The following GREM2 variants were observed in gnomAD, a reference collection of about 807,000 sequenced individuals.
The protein encoded by GREM2 is gremlin 2, DAN family BMP antagonist.
In GREM2, 11 loss-of-function variants were observed where a neutral mutation model predicts 14.2. The ratio of observed to expected loss-of-function variants is 0.78; its 90% CI spans 0.49 to 1.28. GREM2 has a LOEUF of 1.28. Among genes scored for constraint, GREM2 ranks in the 50% most tolerant of loss-of-function variants. The pLI is 0.00. For synonymous variants in GREM2, 98 were observed against 97.6 expected, an observed-to-expected ratio of 1.00 and a Z score of -0.02; for missense variants, 210 against 218.5, an observed-to-expected ratio of 0.96 and a Z score of 0.24.
At chr1:240,562,972 G>A (rs927997714) in intron 1 of GREM2, among the ~76,000 whole-genome samples, 3 of 147,796 alleles carry the variant, frequency 2.0e-5, no homozygotes, top group Admixed American at 1.3e-4. Context: ...GTGTGTGTAT[G>A]TGTGTATATG....
intron 1 of GREM2, among the ~76,000 whole-genome samples, chr1:240,583,905 A>T (rs897494286): frequency 6.6e-6 from 1 of 151,866 alleles, no homozygotes; most frequent in Non-Finnish European, 1.5e-5. Context: ...CCCAGCCTTC[A>T]TCTCTATTTT....
intron 1 of GREM2, among the ~76,000 whole-genome samples, chr1:240,594,306 G>A (rs1679772323): frequency 6.6e-6 from 1 of 152,162 alleles, no homozygotes; most frequent in Non-Finnish European, 1.5e-5. Context: ...CATAAATTAA[G>A]TTCCTCACTA....
At chr1:240,527,901 C>T (rs1248409058) in intron 1 of GREM2, among the ~76,000 whole-genome samples, 9 of 152,032 alleles carry the variant, frequency 5.9e-5, no homozygotes, top group Admixed American at 5.9e-4. Flanking sequence ...AATGTAATGG[C>T]CTCATGGTTG....
chr1:240,589,437 G>A (rs6686478), intron 1 of GREM2, among the ~76,000 whole-genome samples: 41,744 of 129,782 alleles, frequency 0.32, 7,968 homozygotes, highest in African/African-American at 0.61. Flanking sequence ...CTCCATCTCA[G>A]AAAAAAAGAA....
At chr1:240,564,036 C>A (rs901300161) in intron 1 of GREM2, among the ~76,000 whole-genome samples, 1 of 151,992 alleles carries the variant, frequency 6.6e-6, no homozygotes, top group Non-Finnish European at 1.5e-5. Context: ...ATAGTGAGAC[C>A]CTACCTCTAC....
chr1:240,512,085 C>T (rs958167187), intron 1 of GREM2, among the ~76,000 whole-genome samples: 1 of 152,082 alleles, frequency 6.6e-6, no homozygotes, highest in East Asian at 1.9e-4. Context: ...TTTGCTTGGG[C>T]AAATGGTTTT....
chr1:240,505,658 A>C (rs1461615867), intron 1 of GREM2, among the ~76,000 whole-genome samples: 1 of 152,066 alleles, frequency 6.6e-6, no homozygotes, highest in Non-Finnish European at 1.5e-5. Context: ...AGCCAAAAAA[A>C]TTAATCCCCA....
intron 1 of GREM2, among the ~76,000 whole-genome samples, chr1:240,510,345 G>A (rs1403134329): frequency 6.9e-5 from 9 of 130,088 alleles, no homozygotes; most frequent in African/African-American, 2.8e-4. Flanking sequence ...ACTCCAGCCT[G>A]GGCGACAGAG....
At chr1:240,502,062 C>T (rs756433450) in intron 1 of GREM2, among the ~76,000 whole-genome samples, 9 of 152,096 alleles carry the variant, frequency 5.9e-5, no homozygotes, top group Non-Finnish European at 8.8e-5. Context: ...ACCCCCTCTT[C>T]GACCTTCCTA....
intron 1 of GREM2, among the ~76,000 whole-genome samples, chr1:240,550,753 A>G (rs1353848820): frequency 2.0e-5 from 3 of 152,196 alleles, no homozygotes; most frequent in Non-Finnish European, 4.4e-5. Context: ...AGATGTAAAT[A>G]TTTTTGTTAC....
In GREM2 at chr1:240,543,243, T is replaced by C. The variant is rs1431374862; in HGVS notation, c.-1-49767A>G. 6.6e-6 allele frequency among the ~76,000 whole-genome samples: 1 copy of C among 152,240 alleles called. No individual in the cohort carries two copies. Among genetic ancestry groups the C allele is most frequent in the Admixed American group, 6.5e-5 (1 of 15,282 alleles). Reference sequence around the variant, plus strand: ...AGAGAAAATGCACTGTAAAATGTGTTAGGTAATCTATTAGTCTGTCGTCAT... The same window carrying C: ...AGAGAAAATGCACTGTAAAATGTGTCAGGTAATCTATTAGTCTGTCGTCAT... On this transcript the variant is annotated intron_variant, in intron 1 of 1. Transcript: ENST00000318160. The surrounding 1 kb of genome is among the most constrained non-coding windows in gnomAD (Gnocchi z 6.4).
chr1:240,508,642 A>AT (rs1677733064), intron 1 of GREM2, among the ~76,000 whole-genome samples: 1 of 152,346 alleles, frequency 6.6e-6, no homozygotes, highest in Admixed American at 6.5e-5. Context: ...TTTTTAATAC[A>AT]TTGTTTCCAA....
chr1:240,545,639 T>A (rs1044788286), intron 1 of GREM2, among the ~76,000 whole-genome samples: 49 of 152,196 alleles, frequency 3.2e-4, no homozygotes, highest in African/African-American at 1.2e-3. Flanking sequence ...CTATGGGATC[T>A]GATGCTATCT....
chr1:240,528,436 T>C (rs1678273591), intron 1 of GREM2, among the ~76,000 whole-genome samples: 1 of 152,172 alleles, frequency 6.6e-6, no homozygotes, highest in Admixed American at 6.5e-5. Context: ...AGCCAGTCAC[T>C]CATTATTCAC....
chr1:240,515,623 C>A (rs1677936140), intron 1 of GREM2, among the ~76,000 whole-genome samples: 1 of 152,060 alleles, frequency 6.6e-6, no homozygotes, highest in Admixed American at 6.6e-5. Context: ...AATACTTAAC[C>A]CAAGTACTAG....
intron 1 of GREM2, among the ~76,000 whole-genome samples, chr1:240,512,101 A>G (rs1183593841): frequency 1.3e-5 from 2 of 152,246 alleles, no homozygotes; most frequent in African/African-American, 4.8e-5. Context: ...GTTTTTAAGC[A>G]TAATAGATTT....
chr1:240,532,626 A>T (rs557195667), intron 1 of GREM2, among the ~76,000 whole-genome samples: 1 of 149,540 alleles, frequency 6.7e-6, no homozygotes, highest in African/African-American at 2.5e-5. Context: ...TAACCACTTT[A>T]TATAAGAGAT....
chr1:240,572,791 T>C (rs1041496804), intron 1 of GREM2, among the ~76,000 whole-genome samples: 14 of 152,274 alleles, frequency 9.2e-5, no homozygotes, highest in African/African-American at 3.1e-4. Flanking sequence ...TGAATTTCCA[T>C]TGGATTAAGC....
chr1:240,596,904 G>A (rs894003840), intron 1 of GREM2, among the ~76,000 whole-genome samples: 2 of 152,284 alleles, frequency 1.3e-5, no homozygotes, highest in Non-Finnish European at 2.9e-5. Flanking sequence ...GAGAAAAAAA[G>A]GACCTGACCT....
Sources: gnomAD v4.1 joint callset for allele counts (sites outside exome capture counted in the v4.1 genomes callset) on GRCh38, gnomAD v4.1.1 for gene constraint, Gnocchi (gnomAD v3.1) non-coding constraint, MANE v1.5 for transcripts, NCBI Gene and HGNC (gene_info 2026-07-23, HGNC 2026-07-21) for gene names.